The following FHOD3 variants were observed in gnomAD, a reference collection of about 807,000 sequenced individuals.
FHOD3 encodes formin homology 2 domain containing 3.
A neutral mutation model predicts 173.0 loss-of-function variants in FHOD3; 90 were observed. That is an observed-to-expected ratio of 0.52 (90% CI 0.44 to 0.62). The LOEUF (loss-of-function observed/expected upper bound fraction) is 0.62, where lower values mean the gene tolerates loss of function less well. Among genes scored for constraint, FHOD3 ranks in the 20% least tolerant of loss-of-function variants. FHOD3 has a pLI of 0.00. For missense variants in FHOD3, 1,945 were observed against 2,034.7 expected (o/e 0.96, Z 0.85); for synonymous variants, 828 against 823.0 (o/e 1.01, Z -0.10).
At chr18:36,772,586 A>T (rs1027216858) in intron 28 of FHOD3, among the ~76,000 whole-genome samples, 1 of 152,252 alleles carries the variant, frequency 6.6e-6, no homozygotes, top group African/African-American at 2.4e-5. Context: ...AGGATCAGAG[A>T]TAATTAAATG....
intron 9 of FHOD3, 134 bp from the exon 10 acceptor site, chr18:36,625,377 G>A: frequency 1.4e-6 from 1 of 733,144 alleles, no homozygotes; most frequent in Non-Finnish European, 2.0e-6. Flanking sequence ...GACCTGGCAG[G>A]GAAGCTGAGG....
At chr18:36,736,592 A>G (rs866737558) in intron 20 of FHOD3, among the ~76,000 whole-genome samples, 7 of 152,210 alleles carry the variant, frequency 4.6e-5, no homozygotes, top group African/African-American at 1.7e-4. Flanking sequence ...CTTTGAAGCA[A>G]TGCTGTCAAG....
rs2091831220 is a variant in FHOD3, at chr18:36,297,758, C to T, written c.-78C>T. ...CAGCGAGCTGCGGCTGCGGCCTCCCCTGCGCGCAGCTACCCGGGCGTCCCG... is the reference window on the plus strand; with the variant it reads ...CAGCGAGCTGCGGCTGCGGCCTCCCTTGCGCGCAGCTACCCGGGCGTCCCG... On this transcript the variant is annotated 5_prime_UTR_variant, in exon 1 of 29. Transcript: ENST00000590592. 3 of 1,288,018 alleles carry T rather than the reference C, an allele frequency of 2.3e-6. No individual in the cohort carries two copies. The highest frequency in any genetic ancestry group is 3.0e-6 in the Non-Finnish European group (3 of 987,474). The allele number at this position is 1,288,018 out of a possible 1,614,324, so 79.8% of individuals were successfully genotyped here. A position where few individuals can be genotyped will look rare whatever the true frequency, so the allele number is the denominator to read the frequency against.
intron 5 of FHOD3, among the ~76,000 whole-genome samples, chr18:36,514,022 T>A (rs534238818): frequency 7.3e-6 from 1 of 137,612 alleles, no homozygotes; most frequent in Admixed American, 7.3e-5. Flanking sequence ...TTCTTTTTTT[T>A]TTTTGAGATG....
chr18:36,311,238 A>G (rs1382108220), intron 1 of FHOD3, among the ~76,000 whole-genome samples: 1 of 152,142 alleles, frequency 6.6e-6, no homozygotes, highest in Non-Finnish European at 1.5e-5. Flanking sequence ...CCTGCTGTTC[A>G]TAGTCCCAGC....
chr18:36,455,897 G>A (rs1599192777), intron 3 of FHOD3, among the ~76,000 whole-genome samples: 1 of 152,080 alleles, frequency 6.6e-6, no homozygotes, highest in South Asian at 2.1e-4. Context: ...GTCTTTCAGC[G>A]GGTGCCATGT....
chr18:36,436,273 C>A (rs1168742292), intron 3 of FHOD3, among the ~76,000 whole-genome samples: 2 of 152,116 alleles, frequency 1.3e-5, no homozygotes, highest in South Asian at 4.1e-4. Context: ...AAAGATTGTT[C>A]TATGCCCTTT....
intron 8 of FHOD3, among the ~76,000 whole-genome samples, chr18:36,605,575 G>C (rs1205912925): frequency 6.6e-6 from 1 of 152,030 alleles, no homozygotes; most frequent in African/African-American, 2.4e-5. Context: ...TTATTGGAAC[G>C]CTAAGCTTGT....
chr18:36,388,984 G>A, intron 3 of FHOD3, among the ~76,000 whole-genome samples: 1 of 151,778 alleles, frequency 6.6e-6, no homozygotes, highest in East Asian at 1.9e-4. Context: ...TGAGCAGGAT[G>A]GGGGGGCCCT....
intron 1 of FHOD3, among the ~76,000 whole-genome samples, chr18:36,349,355 G>C (rs1356528773): frequency 1.3e-5 from 2 of 152,210 alleles, no homozygotes; most frequent in African/African-American, 4.8e-5. Context: ...TCCAGGAGTA[G>C]AGGAAGAATC....
intron 22 of FHOD3, among the ~76,000 whole-genome samples, 190 bp downstream of exon 22, chr18:36,743,046 C>T (rs1432420289): frequency 6.6e-6 from 1 of 152,204 alleles, no homozygotes; most frequent in Non-Finnish European, 1.5e-5. Context: ...CGCGGTGGCT[C>T]ACACCTGTAA....
chr18:36,549,854 A>C (rs956297498), intron 5 of FHOD3, among the ~76,000 whole-genome samples: 7 of 151,774 alleles, frequency 4.6e-5, no homozygotes, highest in Admixed American at 4.6e-4. Context: ...GGCCATGGCC[A>C]GATCTAAGAA....
chr18:36,629,877 G>A (rs1236430642), intron 10 of FHOD3, among the ~76,000 whole-genome samples: 2 of 152,158 alleles, frequency 1.3e-5, no homozygotes, highest in African/African-American at 4.8e-5. Flanking sequence ...TTGCCACCTA[G>A]GAGACATCTG....
chr18:36,321,543 T>C (rs182692580), intron 1 of FHOD3, among the ~76,000 whole-genome samples: 2 of 152,332 alleles, frequency 1.3e-5, no homozygotes, highest in East Asian at 3.9e-4. Flanking sequence ...TAATATGTAT[T>C]GTGCTTTTGG....
intron 5 of FHOD3, among the ~76,000 whole-genome samples, chr18:36,557,166 T>C (rs1363719570): frequency 6.6e-6 from 1 of 152,168 alleles, no homozygotes; most frequent in African/African-American, 2.4e-5. Context: ...TTGTGGCTTG[T>C]TATTCCTCTT....
chr18:36,557,004 T>C (rs2057914578), intron 5 of FHOD3, among the ~76,000 whole-genome samples: 1 of 152,234 alleles, frequency 6.6e-6, no homozygotes, highest in Non-Finnish European at 1.5e-5. Flanking sequence ...ATTTTCCTCT[T>C]ACTTGTATTG....
At chr18:36,724,193 T>C (rs982866148) in intron 19 of FHOD3, among the ~76,000 whole-genome samples, 1 of 152,270 alleles carries the variant, frequency 6.6e-6, no homozygotes, top group African/African-American at 2.4e-5. Flanking sequence ...CATCAAGGAT[T>C]GGTGTCTCAC....
intron 19 of FHOD3, among the ~76,000 whole-genome samples, chr18:36,719,164 A>G (rs1157353990): frequency 1.3e-5 from 2 of 152,244 alleles, no homozygotes; most frequent in Non-Finnish European, 2.9e-5. Context: ...CTCAAAGGCA[A>G]TAATCCAACT....
intron 3 of FHOD3, among the ~76,000 whole-genome samples, chr18:36,377,670 C>G (rs1284115705): frequency 6.6e-6 from 1 of 152,196 alleles, no homozygotes; most frequent in Non-Finnish European, 1.5e-5. Flanking sequence ...CCTGGCCCCT[C>G]TGGGTGCTTG....
Sources: gnomAD v4.1 joint callset for allele counts (sites outside exome capture counted in the v4.1 genomes callset) on GRCh38, gnomAD v4.1.1 for gene constraint, MANE v1.5 for transcripts, NCBI Gene and HGNC (gene_info 2026-07-23, HGNC 2026-07-21) for gene names.